The following PAX7 variants were observed in gnomAD, a reference collection of about 807,000 sequenced individuals.
PAX7 encodes paired box protein Pax-7.
PAX7 carries 18 observed loss-of-function variants against 50.7 expected under a neutral mutation model. The ratio of observed to expected loss-of-function variants is 0.36; its 90% CI spans 0.25 to 0.53. The LOEUF (loss-of-function observed/expected upper bound fraction) is 0.53. Among genes scored for constraint, PAX7 ranks in the 20% least tolerant of loss-of-function variants. PAX7 has a pLI of 0.93. For synonymous variants in PAX7, 310 were observed against 290.4 expected, an observed-to-expected ratio of 1.07 and a Z score of -0.69; for missense variants, 644 against 702.9, an observed-to-expected ratio of 0.92 and a Z score of 0.95.
intron 5 of PAX7, among the ~76,000 whole-genome samples, chr1:18,693,374 G>A (rs1158135547): frequency 6.6e-6 from 1 of 152,182 alleles, no homozygotes; most frequent in Non-Finnish European, 1.5e-5. Flanking sequence ...TGCAAGCCAC[G>A]GGTGCAGAAA....
In PAX7 at chr1:18,631,590, C is replaced by G. The variant is rs1189484407; in HGVS notation, c.-14C>G. The G allele has an allele frequency of 1.9e-6, 3 of 1,609,506 alleles. No individual in the cohort carries two copies. The highest frequency in any genetic ancestry group is 1.3e-5 in the African/African-American group (1 of 75,024). Reference sequence around the variant, plus strand: ...TTTTTGCCGACTTTGGATTCGTCCCCGGCGTGCGCAAGAATGGCGGCCCTT... The same window carrying G: ...TTTTTGCCGACTTTGGATTCGTCCCGGGCGTGCGCAAGAATGGCGGCCCTT... On this transcript the variant is annotated 5_prime_UTR_variant, in exon 1 of 9. Coordinates refer to ENST00000420770, the MANE Select transcript of PAX7 (RefSeq NM_001135254.2).
chr1:18,721,077 C>G (rs1318589555), intron 7 of PAX7, among the ~76,000 whole-genome samples: 2 of 152,054 alleles, frequency 1.3e-5, no homozygotes, highest in Non-Finnish European at 2.9e-5. Flanking sequence ...AGTGACCTGC[C>G]AGAGCCAGCT....
At chr1:18,730,285 G>T (rs1304585598) in intron 7 of PAX7, among the ~76,000 whole-genome samples, 1 of 152,172 alleles carries the variant, frequency 6.6e-6, no homozygotes, top group Admixed American at 6.6e-5. Context: ...AGATATTCTG[G>T]CCCCTATGCT....
chr1:18,725,307 C>CCG, intron 7 of PAX7, among the ~76,000 whole-genome samples: 1 of 54,802 alleles, frequency 1.8e-5, no homozygotes, highest in Admixed American at 1.3e-4. Flanking sequence ...GAGACGCCCC[C>CCG]CCCCCGCCCC....
At chr1:18,708,037 C>T (rs940543593) in intron 7 of PAX7, among the ~76,000 whole-genome samples, 3 of 152,090 alleles carry the variant, frequency 2.0e-5, no homozygotes, top group Admixed American at 6.5e-5. Context: ...CCACCCAAGC[C>T]CCAGCCTAAT....
At chr1:18,703,561 A>G (rs1362915686) in intron 7 of PAX7, among the ~76,000 whole-genome samples, 1 of 152,192 alleles carries the variant, frequency 6.6e-6, no homozygotes, top group Admixed American at 6.5e-5. Flanking sequence ...CTCTACCCTG[A>G]TTGGTCAATG....
chr1:18,660,209 G>A (rs182594919), intron 4 of PAX7, among the ~76,000 whole-genome samples: 10 of 152,178 alleles, frequency 6.6e-5, no homozygotes, highest in African/African-American at 1.9e-4. Context: ...ACTCAAGTTC[G>A]AATCCTGGCT....
chr1:18,701,994 C>T, intron 6 of PAX7, among the ~76,000 whole-genome samples: 1 of 152,050 alleles, frequency 6.6e-6, no homozygotes, highest in East Asian at 1.9e-4. Context: ...TTCTGTCACC[C>T]CAGAAGCCCT....
intron 7 of PAX7, among the ~76,000 whole-genome samples, chr1:18,728,345 G>A (rs1264502954): frequency 6.6e-6 from 1 of 152,066 alleles, no homozygotes. Flanking sequence ...TCTGTAATGT[G>A]TGTGTCTTCC....
At chr1:18,717,103 G>T (rs2089435586) in intron 7 of PAX7, among the ~76,000 whole-genome samples, 1 of 152,162 alleles carries the variant, frequency 6.6e-6, no homozygotes, top group South Asian at 2.1e-4. Flanking sequence ...AGTGGAAAAT[G>T]CGGGGAGACA....
intron 4 of PAX7, among the ~76,000 whole-genome samples, chr1:18,648,630 G>A (rs982734760): frequency 2.1e-4 from 32 of 152,092 alleles, no homozygotes; most frequent in African/African-American, 9.7e-5. Flanking sequence ...GTGATGAGCC[G>A]CCATGCCCAG....
intron 7 of PAX7, among the ~76,000 whole-genome samples, chr1:18,731,404 G>A (rs2089645279): frequency 6.6e-6 from 1 of 152,156 alleles, no homozygotes. Context: ...CACAGCTAGG[G>A]ACCCGGGAGA....
chr1:18,719,178 G>C (rs928317700), intron 7 of PAX7, among the ~76,000 whole-genome samples: 2 of 152,224 alleles, frequency 1.3e-5, no homozygotes, highest in Non-Finnish European at 2.9e-5. Context: ...CATTGCAAGA[G>C]GTTGATTTGC....
intron 4 of PAX7, among the ~76,000 whole-genome samples, chr1:18,642,864 G>A (rs1358992281): frequency 6.6e-6 from 1 of 151,750 alleles, no homozygotes; most frequent in Non-Finnish European, 1.5e-5. Context: ...TGGGGGAGAG[G>A]TGAGGCGGGG....
At chr1:18,698,083 G>A (rs1158858968) in intron 5 of PAX7, among the ~76,000 whole-genome samples, 2 of 151,960 alleles carry the variant, frequency 1.3e-5, no homozygotes, top group South Asian at 2.1e-4. Context: ...AAAGATGAGC[G>A]GCACCTAAGG....
At chr1:18,711,889 C>T (rs538347362) in intron 7 of PAX7, among the ~76,000 whole-genome samples, 12 of 152,272 alleles carry the variant, frequency 7.9e-5, no homozygotes, top group African/African-American at 2.9e-4. Context: ...TGTCTGCCCT[C>T]CCCAACTGGC....
At chr1:18,680,429 G>A (rs944977421) in intron 4 of PAX7, among the ~76,000 whole-genome samples, 6 of 152,118 alleles carry the variant, frequency 3.9e-5, no homozygotes, top group African/African-American at 1.2e-4. Flanking sequence ...GCCCAGGAGC[G>A]CCTGTCACAC....
At chr1:18,679,328 C>A (rs1343312173) in intron 4 of PAX7, among the ~76,000 whole-genome samples, 1 of 152,240 alleles carries the variant, frequency 6.6e-6, no homozygotes, top group Non-Finnish European at 1.5e-5. Context: ...AGGGCTCCAG[C>A]ACTGAGGAGG....
At chr1:18,637,846 G>A (rs569039037) in intron 4 of PAX7, among the ~76,000 whole-genome samples, 1 of 152,232 alleles carries the variant, frequency 6.6e-6, no homozygotes, top group Admixed American at 6.5e-5. Flanking sequence ...GGAAGAAAGG[G>A]AGCCAGCTGT....
Sources: gnomAD v4.1 joint callset for allele counts (sites outside exome capture counted in the v4.1 genomes callset) on GRCh38, gnomAD v4.1.1 for gene constraint, MANE v1.5 for transcripts, NCBI Gene and HGNC (gene_info 2026-07-23, HGNC 2026-07-21) for gene names.